The following LRRC37A2 variants were observed in gnomAD, a reference collection of about 807,000 sequenced individuals.
LRRC37A2 encodes the protein leucine rich repeat containing 37 member A2.
LRRC37A2 carries 9 observed loss-of-function variants against 68.8 expected under a neutral mutation model. That is an observed-to-expected ratio of 0.13 (90% confidence interval 0.08 to 0.23). LRRC37A2 has a LOEUF of 0.23. Ranked by LOEUF, LRRC37A2 falls within the 10% of genes least tolerant of loss-of-function variation. The pLI is 1.00. For missense variants in LRRC37A2, 168 were observed against 950.4 expected (o/e 0.18, Z 10.82); for synonymous variants, 63 against 367.6 (o/e 0.17, Z 9.48).
At chr17:46,940,415 A>T in the LRRC37A2 span, 5 of 1,591,796 alleles carry the variant, frequency 3.1e-6, no homozygotes, top group Non-Finnish European at 4.3e-6. Flanking sequence ...TTAGACCTAG[A>T]TCTGTCTAAC....
At chr17:46,824,693 C>T in the LRRC37A2 span, among the ~76,000 whole-genome samples, 2 of 152,244 alleles carry the variant, frequency 1.3e-5, no homozygotes, top group Non-Finnish European at 2.9e-5. Flanking sequence ...AGCAGCCCCT[C>T]GAAAACACTG....
the LRRC37A2 span, among the ~76,000 whole-genome samples, chr17:46,729,955 C>T: frequency 2.0e-5 from 3 of 152,028 alleles, no homozygotes; most frequent in Non-Finnish European, 4.4e-5. Flanking sequence ...TTTAAATCAG[C>T]TTTTCATAAA....
the LRRC37A2 span, among the ~76,000 whole-genome samples, chr17:46,727,484 G>A: frequency 6.6e-6 from 1 of 152,108 alleles, no homozygotes; most frequent in East Asian, 1.9e-4. Flanking sequence ...GTCCATAATG[G>A]TGTAGTCGTG....
At chr17:46,986,140 G>C in the LRRC37A2 span, among the ~76,000 whole-genome samples, 1 of 152,168 alleles carries the variant, frequency 6.6e-6, no homozygotes, top group South Asian at 2.1e-4. Context: ...GGTGGGGCAA[G>C]GGGGGGATGC....
the LRRC37A2 span, among the ~76,000 whole-genome samples, chr17:46,501,090 G>A: frequency 6.6e-6 from 1 of 151,428 alleles, no homozygotes; most frequent in East Asian, 1.9e-4. Flanking sequence ...GAATATCCCT[G>A]TGTTGCCCAG....
At chr17:46,873,448 T>A in the LRRC37A2 span, among the ~76,000 whole-genome samples, 5 of 152,084 alleles carry the variant, frequency 3.3e-5, no homozygotes, top group Non-Finnish European at 7.4e-5. Context: ...GTGACTCCCT[T>A]GCCAAGGGGA....
At chr17:46,707,783 G>A in the LRRC37A2 span, among the ~76,000 whole-genome samples, 1 of 152,096 alleles carries the variant, frequency 6.6e-6, no homozygotes, top group East Asian at 1.9e-4. Context: ...TGTAATCCCA[G>A]CACTTTTGGA....
chr17:46,800,835 T>TGCTG, the LRRC37A2 span, among the ~76,000 whole-genome samples: 1 of 152,184 alleles, frequency 6.6e-6, no homozygotes, highest in Non-Finnish European at 1.5e-5. Flanking sequence ...GAAGGGCCTT[T>TGCTG]GCTGGGGCCG....
chr17:46,533,630 T>C (rs1355019299), intron 6 of LRRC37A2, among the ~76,000 whole-genome samples: 4 of 70,064 alleles, frequency 5.7e-5, no homozygotes, highest in Non-Finnish European at 9.3e-5. Context: ...GCCTCCTGAG[T>C]AGCTGGGACT....
At chr17:46,553,470 T>A (rs764089726) in intron 12 of LRRC37A2, 21 bp downstream of exon 11, 1 of 1,607,452 alleles carries the variant, frequency 6.2e-7, no homozygotes, top group Non-Finnish European at 8.5e-7. Context: ...GTCTGGTGAT[T>A]TTTTTTTTCT....
At chr17:46,716,546 C>T in the LRRC37A2 span, among the ~76,000 whole-genome samples, 429 of 152,194 alleles carry the variant, frequency 2.8e-3, no homozygotes, top group African/African-American at 1.0e-2. Context: ...CATGAGCCAC[C>T]GCGCCCGGCC....
the LRRC37A2 span, among the ~76,000 whole-genome samples, chr17:46,767,451 T>G: frequency 2.6e-5 from 4 of 152,118 alleles, no homozygotes; most frequent in East Asian, 7.7e-4. Context: ...CCCTCTAAGT[T>G]CAAGGTGGAT....
the LRRC37A2 span, among the ~76,000 whole-genome samples, chr17:46,901,136 CATTT>C: frequency 3.9e-5 from 6 of 151,902 alleles, no homozygotes; most frequent in East Asian, 5.8e-4. Flanking sequence ...AAGCCCAGCA[CATTT>C]ATTTATTTAT....
chr17:46,957,824 C>T, the LRRC37A2 span, among the ~76,000 whole-genome samples: 4 of 152,306 alleles, frequency 2.6e-5, no homozygotes, highest in East Asian at 7.7e-4. Context: ...ATGATACAAT[C>T]AGTGCTAATG....
chr17:46,868,314 G>A, the LRRC37A2 span, among the ~76,000 whole-genome samples: 6 of 152,176 alleles, frequency 3.9e-5, no homozygotes, highest in Non-Finnish European at 8.8e-5. Context: ...ATATTTGGCT[G>A]GGCGTGGTGG....
chr17:46,892,467 A>T, the LRRC37A2 span, among the ~76,000 whole-genome samples: 11 of 151,744 alleles, frequency 7.2e-5, no homozygotes, highest in Non-Finnish European at 7.4e-5. Flanking sequence ...TGTCCATCCA[A>T]CTCACTCCTG....
the LRRC37A2 span, among the ~76,000 whole-genome samples, chr17:46,995,724 G>A: frequency 1.3e-5 from 2 of 152,210 alleles, no homozygotes; most frequent in African/African-American, 4.8e-5. Context: ...ATTCCCTCAG[G>A]ACAGCTAAAC....
chr17:46,832,033 C>T, the LRRC37A2 span, among the ~76,000 whole-genome samples: 2 of 152,232 alleles, frequency 1.3e-5, no homozygotes, highest in Non-Finnish European at 2.9e-5. Context: ...TGTCCATGCC[C>T]AGCCTCGTGA....
At chr17:46,798,592 C>T in the LRRC37A2 span, among the ~76,000 whole-genome samples, 3 of 152,194 alleles carry the variant, frequency 2.0e-5, no homozygotes, top group African/African-American at 7.2e-5. Context: ...GTTGGATGCA[C>T]ACAGTGACTG....
Sources: allele counts gnomAD v4.1 joint callset (sites outside exome capture counted in the v4.1 genomes callset), GRCh38; gene constraint gnomAD v4.1.1; transcripts MANE v1.5; gene names NCBI Gene and HGNC (gene_info 2026-07-23, HGNC 2026-07-21).